The following TENM3 variants were observed in gnomAD, a reference collection of about 807,000 sequenced individuals.
TENM3 encodes teneurin transmembrane protein 3, also known as teneurin-3.
TENM3 carries 63 observed loss-of-function variants against 255.1 expected under a neutral mutation model. The ratio of observed to expected loss-of-function variants is 0.25; its 90% CI spans 0.20 to 0.30. TENM3 has a LOEUF of 0.30. TENM3 is among the 10% of genes least tolerant of loss of function. The pLI, the probability that TENM3 is intolerant of heterozygous loss-of-function variation, is 1.00. For synonymous variants in TENM3, 1,306 were observed against 1,322.3 expected (o/e 0.99, Z 0.27); for missense variants, 2,929 against 3,461.1 (o/e 0.85, Z 3.86).
At chr4:181,791,658 C>T in the TENM3 span, among the ~76,000 whole-genome samples, 24 of 152,336 alleles carry the variant, frequency 1.6e-4, 1 homozygote, top group Middle Eastern at 6.8e-3. Flanking sequence ...CAGTAAGGAA[C>T]TGGTTACCAT....
chr4:182,132,306 C>T, the TENM3 span, among the ~76,000 whole-genome samples: 1 of 150,942 alleles, frequency 6.6e-6, no homozygotes, highest in Non-Finnish European at 1.5e-5. Context: ...GGTGAAACCC[C>T]GTCTCTACTA....
At chr4:181,467,149 A>T in the TENM3 span, among the ~76,000 whole-genome samples, 6 of 83,008 alleles carry the variant, frequency 7.2e-5, no homozygotes, top group African/African-American at 1.2e-4. Flanking sequence ...TTTTTTTTTT[A>T]GGCAGAGTCT....
At chr4:182,454,641 C>T (rs981888262) in intron 3 of TENM3, among the ~76,000 whole-genome samples, 30 of 152,068 alleles carry the variant, frequency 2.0e-4, no homozygotes, top group African/African-American at 7.0e-4. Flanking sequence ...CTATTGCTGC[C>T]GTTCTGGAGT....
rs1380921645 is a variant in TENM3, at chr4:182,686,963, C to G, written c.2036-1203C>G. 2.6e-5 allele frequency among the ~76,000 whole-genome samples: 4 copies of G among 152,112 alleles called. No individual in the cohort carries two copies. In the East Asian group the frequency reaches 7.7e-4, roughly 29 times the overall value. The stretch of plus-strand genomic sequence containing the variant: ...CATGAAAAAACCTGCGTGCTACCCT[C>G]TTCCAGTTAATAGTCCTGGGTGTTG... On this transcript the variant is annotated intron_variant, in intron 11 of 27. Coordinates refer to ENST00000511685, the MANE Select transcript of TENM3 (RefSeq NM_001080477.4).
At chr4:181,785,041 C>A in the TENM3 span, among the ~76,000 whole-genome samples, 3 of 151,984 alleles carry the variant, frequency 2.0e-5, no homozygotes, top group African/African-American at 7.3e-5. Context: ...TATGGGAATG[C>A]AGGAAGGGTG....
the TENM3 span, among the ~76,000 whole-genome samples, chr4:181,851,629 T>G: frequency 6.6e-6 from 1 of 151,812 alleles, no homozygotes; most frequent in Non-Finnish European, 1.5e-5. Flanking sequence ...CGCACACGCA[T>G]GCACACATGC....
chr4:181,896,164 C>T, the TENM3 span, among the ~76,000 whole-genome samples: 63,484 of 151,974 alleles, frequency 0.42, 13,849 homozygotes, highest in African/African-American at 0.54. Context: ...AGAGCAGGCC[C>T]TGGGCTTCGG....
At chr4:182,461,794 C>T (rs989326456) in intron 3 of TENM3, among the ~76,000 whole-genome samples, 5 of 152,134 alleles carry the variant, frequency 3.3e-5, no homozygotes, top group African/African-American at 4.8e-5. Context: ...TGATGCTCAG[C>T]GGGTACTTGT....
At chr4:181,604,225 A>G in the TENM3 span, among the ~76,000 whole-genome samples, 23 of 152,194 alleles carry the variant, frequency 1.5e-4, no homozygotes, top group Admixed American at 6.5e-4. Flanking sequence ...AGATCGCGCC[A>G]CAGCACTCCA....
chr4:182,470,816 C>T (rs1733049283), intron 3 of TENM3, among the ~76,000 whole-genome samples: 1 of 152,164 alleles, frequency 6.6e-6, no homozygotes, highest in Non-Finnish European at 1.5e-5. Context: ...CAAACCAAAA[C>T]TCTCCATGAT....
intron 3 of TENM3, among the ~76,000 whole-genome samples, chr4:182,391,888 T>A (rs548303882): frequency 1.3e-5 from 2 of 152,190 alleles, no homozygotes; most frequent in Non-Finnish European, 2.9e-5. Context: ...AACATGCTTA[T>A]GAAGTACAAT....
At chr4:181,521,880 A>C in the TENM3 span, among the ~76,000 whole-genome samples, 2 of 152,052 alleles carry the variant, frequency 1.3e-5, no homozygotes, top group Admixed American at 1.3e-4. Flanking sequence ...GCAGATCACG[A>C]GGTCAGGAGA....
chr4:182,730,459 A>T (rs1760602460), intron 15 of TENM3, 140 bp downstream of exon 15: 1 of 903,432 alleles, frequency 1.1e-6, no homozygotes, highest in African/African-American at 1.7e-5. Flanking sequence ...GTGACAGTAC[A>T]TATGGCAGAG....
the TENM3 span, among the ~76,000 whole-genome samples, chr4:181,974,274 T>G: frequency 1.3e-5 from 2 of 152,028 alleles, no homozygotes; most frequent in Non-Finnish European, 2.9e-5. Flanking sequence ...ATAGCAAAAA[T>G]GAATCAATGC....
At chr4:181,680,153 C>T in the TENM3 span, among the ~76,000 whole-genome samples, 3 of 152,018 alleles carry the variant, frequency 2.0e-5, no homozygotes, top group East Asian at 5.8e-4. Flanking sequence ...CCTTTGCCGC[C>T]TTAAGCTTCA....
At chr4:182,103,115 A>G in the TENM3 span, among the ~76,000 whole-genome samples, 2,160 of 152,366 alleles carry the variant, frequency 0.014, 49 homozygotes, top group African/African-American at 0.05. Flanking sequence ...GTTTCATGGG[A>G]ATTACACTAA....
the TENM3 span, among the ~76,000 whole-genome samples, chr4:181,512,461 C>A: frequency 6.6e-6 from 1 of 152,084 alleles, no homozygotes; most frequent in Non-Finnish European, 1.5e-5. Context: ...ATCTTTGTTA[C>A]CTAAAGTGTG....
chr4:182,742,444 A>G (rs949037782), intron 18 of TENM3, among the ~76,000 whole-genome samples: 1 of 152,238 alleles, frequency 6.6e-6, no homozygotes, highest in African/African-American at 2.4e-5. Context: ...ATGTATATGC[A>G]TTCTCCTATT....
At chr4:181,889,291 C>G in the TENM3 span, among the ~76,000 whole-genome samples, 1 of 152,042 alleles carries the variant, frequency 6.6e-6, no homozygotes, top group South Asian at 2.1e-4. Flanking sequence ...ACCCCCGTTC[C>G]CAGCCTGCTC....
Sources: allele counts gnomAD v4.1 joint callset (sites outside exome capture counted in the v4.1 genomes callset), GRCh38; gene constraint gnomAD v4.1.1; transcripts MANE v1.5; gene names NCBI Gene and HGNC (gene_info 2026-07-23, HGNC 2026-07-21).